RPS6KA2: variants seen among roughly 807,000 people sequenced by gnomAD.
The protein encoded by RPS6KA2 is ribosomal protein S6 kinase alpha-2.
In RPS6KA2, 42 loss-of-function variants were observed where a neutral mutation model predicts 91.8. That is an observed-to-expected ratio of 0.46 (90% CI 0.36 to 0.59). The LOEUF is 0.59. RPS6KA2 is among the 20% of genes least tolerant of loss of function. The probability of loss-of-function intolerance (pLI) is 0.00; values close to 1 mark genes in which losing one functional copy is unlikely to be tolerated. For missense variants in RPS6KA2, 798 were observed against 978.5 expected, an observed-to-expected ratio of 0.82 and a Z score of 2.46; for synonymous variants, 414 against 393.6, an observed-to-expected ratio of 1.05 and a Z score of -0.61.
intron 2 of RPS6KA2, among the ~76,000 whole-genome samples, chr6:166,818,162 ATAT>A (rs1172119533): frequency 1.4e-5 from 2 of 140,604 alleles, no homozygotes; most frequent in Non-Finnish European, 2.9e-5. Flanking sequence ...TAATATAATG[ATAT>A]TATTAAATGT....
rs568566694 is a variant in RPS6KA2 at position 166,701,861 on chromosome 6, G to C, written c.123+156339C>G. 4.8e-4 allele frequency: 439 copies of C among 909,522 alleles called. 1 individual carries two copies. The African/African-American group carries it at 6.5e-3, about 13-fold the overall frequency. The allele number at this position is 909,522 out of a possible 1,614,324, so 56.3% of individuals were successfully genotyped here. A position where few individuals can be genotyped will look rare whatever the true frequency, so the allele number is the denominator to read the frequency against. ...GCCTTTAGCTGTAATGGTGTGTTCTGGATTATACTGCATCAGTTCCTGCAA... is the reference window on the plus strand; with the variant it reads ...GCCTTTAGCTGTAATGGTGTGTTCTCGATTATACTGCATCAGTTCCTGCAA... On this transcript the variant is annotated intron_variant, in intron 2 of 21. Coordinates refer to the RPS6KA2 transcript ENST00000503859.
At chr6:166,810,117 T>C (rs74915786) in intron 2 of RPS6KA2, among the ~76,000 whole-genome samples, 425 of 152,206 alleles carry the variant, frequency 2.8e-3, no homozygotes, top group Middle Eastern at 0.014. Context: ...GCAGGGGAGA[T>C]GCCAGATGCT....
At chr6:166,663,457 G>T (rs1166999523) in intron 2 of RPS6KA2, among the ~76,000 whole-genome samples, 3 of 152,170 alleles carry the variant, frequency 2.0e-5, no homozygotes, top group African/African-American at 7.2e-5. Flanking sequence ...ACTGAGAGCG[G>T]GTTCTCCACC....
intron 10 of RPS6KA2, among the ~76,000 whole-genome samples, chr6:166,472,564 AT>A (rs1192331152): frequency 1.3e-5 from 2 of 152,220 alleles, no homozygotes; most frequent in Admixed American, 1.3e-4. Context: ...AGGGGGAAAC[AT>A]GAAACAGGAG....
In RPS6KA2 at chr6:166,495,292, G is replaced by A. The variant is rs1471483414; in HGVS notation, c.747+3216C>T. 6.6e-6 allele frequency among the ~76,000 whole-genome samples: 1 copy of A among 151,974 alleles called. No homozygotes were observed. Among genetic ancestry groups the A allele is most frequent in the African/African-American group, 2.4e-5 (1 of 41,246 alleles). On this transcript the variant is annotated intron_variant, in intron 8 of 20. Coordinates refer to ENST00000265678, the MANE Select transcript of RPS6KA2 (RefSeq NM_021135.6). The surrounding 1 kb of genome is among the most constrained non-coding windows in gnomAD (Gnocchi z 4.4). ...CCACGGCAACAGCCAGCCCTGCCTCGGGCTCGAGAGTGACACAGCAGTTCT... is the reference window on the plus strand; with the variant it reads ...CCACGGCAACAGCCAGCCCTGCCTCAGGCTCGAGAGTGACACAGCAGTTCT...
At chr6:166,814,433 G>T (rs894324849) in intron 2 of RPS6KA2, among the ~76,000 whole-genome samples, 1 of 152,232 alleles carries the variant, frequency 6.6e-6, no homozygotes, top group Non-Finnish European at 1.5e-5. Context: ...TAAAGCAAGA[G>T]TTCCCAACCC....
chr6:166,816,886 G>T (rs901797592), intron 2 of RPS6KA2, among the ~76,000 whole-genome samples: 2 of 152,150 alleles, frequency 1.3e-5, no homozygotes, highest in Non-Finnish European at 2.9e-5. Context: ...ACCACTGACT[G>T]CTCCACAGAG....
At chr6:166,571,267 C>A (rs1784678841) in intron 1 of RPS6KA2, among the ~76,000 whole-genome samples, 1 of 152,158 alleles carries the variant, frequency 6.6e-6, no homozygotes, top group African/African-American at 2.4e-5. Flanking sequence ...CCATCAGATA[C>A]CAAAACATCT....
chr6:166,622,168 C>CA, intron 1 of RPS6KA2, among the ~76,000 whole-genome samples: 1 of 152,156 alleles, frequency 6.6e-6, no homozygotes, highest in African/African-American at 2.4e-5. Context: ...ACGGGCAAAG[C>CA]AAAAGGGGCA....
At chr6:166,803,891 T>C (rs912469426) in intron 2 of RPS6KA2, among the ~76,000 whole-genome samples, 2 of 152,238 alleles carry the variant, frequency 1.3e-5, no homozygotes, top group African/African-American at 2.4e-5. Flanking sequence ...GAAAATTGCT[T>C]TTAAAATGTT....
At chr6:166,705,700 C>T (rs1319257489) in intron 2 of RPS6KA2, among the ~76,000 whole-genome samples, 2 of 152,118 alleles carry the variant, frequency 1.3e-5, no homozygotes, top group African/African-American at 4.8e-5. Flanking sequence ...TGACACAATC[C>T]TAGACATAGA....
chr6:166,532,446 C>T (rs528380866), intron 2 of RPS6KA2, among the ~76,000 whole-genome samples: 3 of 152,278 alleles, frequency 2.0e-5, no homozygotes, highest in Non-Finnish European at 4.4e-5. Context: ...AAAGAGGGAC[C>T]GGGAAGACGC....
At chr6:166,468,649 G>C (rs569637413) in intron 11 of RPS6KA2, among the ~76,000 whole-genome samples, 1 of 152,016 alleles carries the variant, frequency 6.6e-6, no homozygotes, top group South Asian at 2.1e-4. Flanking sequence ...GGATCATGAG[G>C]TCAGGAGATC....
intron 14 of RPS6KA2, among the ~76,000 whole-genome samples, chr6:166,446,219 G>A (rs1779674368): frequency 6.6e-6 from 1 of 152,186 alleles, no homozygotes; most frequent in African/African-American, 2.4e-5. Flanking sequence ...TGAACTTGTT[G>A]TCACCGCTCC....
chr6:166,813,725 G>A (rs980526409), intron 2 of RPS6KA2, among the ~76,000 whole-genome samples: 3 of 152,164 alleles, frequency 2.0e-5, no homozygotes, highest in Non-Finnish European at 2.9e-5. Context: ...CTGTGAGTCC[G>A]TATCTGTGTC....
At chr6:166,775,358 C>G (rs939539159) in intron 2 of RPS6KA2, among the ~76,000 whole-genome samples, 2 of 151,552 alleles carry the variant, frequency 1.3e-5, no homozygotes, top group Non-Finnish European at 2.9e-5. Flanking sequence ...CAAATTTGCA[C>G]GTCTACCACT....
Position 166,825,135 on chromosome 6 carries a change from T to C in RPS6KA2, c.123+33065A>G, listed in dbSNP as rs1045235209. On this transcript the variant is annotated intron_variant, in intron 2 of 21. Transcript: ENST00000503859. This position sits in a 1 kb window ranked among gnomAD's most constrained non-coding sequence, Gnocchi z 4.1. ...CCTTTTACAAATGTCGCTTTCATGA[T>C]CAGGAATCCATTTCAAAGCCAGAGC... Among the ~76,000 whole-genome samples, 1 of 152,192 alleles carries C rather than the reference T, an allele frequency of 6.6e-6. No individual in the cohort carries two copies. The highest frequency in any genetic ancestry group is 2.4e-5 in the African/African-American group (1 of 41,440).
upstream of RPS6KA2, among the ~76,000 whole-genome samples, chr6:166,629,184 G>A (rs79840263): frequency 0.017 from 2,650 of 152,362 alleles, 78 homozygotes; most frequent in African/African-American, 0.06. Flanking sequence ...GGACCAACCC[G>A]ACCATGCTTC....
At position 166,433,822 on chromosome 6, in the gene RPS6KA2, A is replaced by G. The variant is rs1241838719; in HGVS notation, c.1333-1332T>C. 6.6e-6 allele frequency among the ~76,000 whole-genome samples: 1 copy of G among 152,180 alleles called. No individual in the cohort carries two copies. Among genetic ancestry groups the G allele is most frequent in the Non-Finnish European group, 1.5e-5 (1 of 68,028 alleles). The stretch of plus-strand genomic sequence containing the variant: ...TAGGTTGGAATACAGTGGTACAAGC[A>G]TAGTTCACTGCAACATCAAACCCCT... On this transcript the variant is annotated intron_variant, in intron 14 of 20. Coordinates refer to ENST00000265678, the MANE Select transcript of RPS6KA2 (RefSeq NM_021135.6). The surrounding 1 kb of genome is among the most constrained non-coding windows in gnomAD (Gnocchi z 4.4).
Sources: allele counts gnomAD v4.1 joint callset (sites outside exome capture counted in the v4.1 genomes callset), GRCh38; gene constraint gnomAD v4.1.1; non-coding constraint Gnocchi (gnomAD v3.1); transcripts MANE v1.5; gene names NCBI Gene and HGNC (gene_info 2026-07-23, HGNC 2026-07-21).